Variants in LHX2 observed in about 807,000 individuals in gnomAD.
LHX2 encodes the protein LIM homeobox 2, also known as LIM/homeobox protein Lhx2.
In LHX2, 6 loss-of-function variants were observed where a neutral mutation model predicts 33.0. The observed-to-expected ratio is 0.18, with a 90% confidence interval of 0.10 to 0.36. The LOEUF is 0.36. Ranked by LOEUF, LHX2 falls within the 10% of genes least tolerant of loss-of-function variation. The pLI, the probability that LHX2 is intolerant of heterozygous loss-of-function variation, is 1.00. For missense variants in LHX2, 442 were observed against 586.2 expected (o/e 0.75, Z 2.54); for synonymous variants, 292 against 253.1 (o/e 1.15, Z -1.46).
rs1287809626 is a variant in LHX2, at chr9:124,016,277, T to C, written c.727+752T>C. ...GGGGGCTTGGTTCGGATTTCCGGCA[T>C]CTTTGAACCCCAGGCCATTCCCGGA... On this transcript the variant is annotated intron_variant, in intron 3 of 4. Coordinates refer to ENST00000373615, the MANE Select transcript of LHX2 (RefSeq NM_004789.4). This position sits in a 1 kb window ranked among gnomAD's most constrained non-coding sequence, Gnocchi z 4.4. Among the ~76,000 whole-genome samples the C allele has an allele frequency of 3.9e-5, 6 of 152,074 alleles. No homozygotes were observed. Among genetic ancestry groups the C allele is most frequent in the African/African-American group, 1.4e-4 (6 of 41,422 alleles).
intron 4 of LHX2, among the ~76,000 whole-genome samples, chr9:124,028,279 C>G (rs748520138): frequency 6.6e-6 from 1 of 152,132 alleles, no homozygotes; most frequent in Non-Finnish European, 1.5e-5. Context: ...GGAGATCTAC[C>G]GCGCACCAGG....
In LHX2 at chr9:124,021,249, C is replaced by T; in HGVS notation, c.878C>T (p.Ala293Val). ...SYFAINHNPD[A>V]KDLKQLAQKT... is the part of the protein sequence containing the mutation. Reference sequence around the variant, plus strand: ...TTTGCCATTAACCACAACCCCGACGCCAAGGACTTGAAGCAGCTCGCGCAA... The same window carrying T: ...TTTGCCATTAACCACAACCCCGACGTCAAGGACTTGAAGCAGCTCGCGCAA... The change falls in exon 4 of 5, where the codon GCC becomes GTC. Residue 293 changes from alanine to valine, a missense_variant. Physicochemically the swap from Ala to Val is moderately conservative, Grantham distance 64. Around this residue, in one of 5 missense-constraint regions of LHX2, gnomAD observed 32 missense variants for 95.3 expected, o/e 0.34. Coordinates refer to ENST00000373615, the MANE Select transcript of LHX2 (RefSeq NM_004789.4). 1 of 1,614,172 alleles carries T rather than the reference C, an allele frequency of 6.2e-7. No individual in the cohort carries two copies. Among genetic ancestry groups the T allele is most frequent in the Non-Finnish European group, 8.5e-7 (1 of 1,180,050 alleles).
chr9:124,014,240 T>G lies in LHX2; in HGVS notation c.323+77T>G. The stretch of plus-strand genomic sequence containing the variant: ...ACAGTCTTACAGTTTGGCCCTCTCC[T>G]TTCCGTTTAGTCCCAGGAGAGGGTT... On this transcript the variant is annotated intron_variant, in intron 2 of 4. Coordinates refer to ENST00000373615, the MANE Select transcript of LHX2 (RefSeq NM_004789.4). The surrounding 1 kb of genome is among the most constrained non-coding windows in gnomAD (Gnocchi z 4.8). 1 of 958,370 alleles carries G rather than the reference T, an allele frequency of 1.0e-6. No homozygotes were observed. The highest frequency in any genetic ancestry group is 1.6e-6 in the Non-Finnish European group (1 of 624,232). The allele number at this position is 958,370 out of a possible 1,614,324, so 59.4% of individuals were successfully genotyped here. A position where few individuals can be genotyped will look rare whatever the true frequency, so the allele number is the denominator to read the frequency against.
intron 4 of LHX2, among the ~76,000 whole-genome samples, chr9:124,029,248 C>G (rs973071670): frequency 1.3e-5 from 2 of 152,154 alleles, no homozygotes; most frequent in African/African-American, 4.8e-5. Flanking sequence ...TGGAGCCTGG[C>G]ACATAGTAAA....
rs111292833 is a variant in LHX2 at position 124,012,813 on chromosome 9, C to G, written c.120+345C>G. Among the ~76,000 whole-genome samples, 1 of 152,318 alleles carries G rather than the reference C, an allele frequency of 6.6e-6. No individual in the cohort carries two copies. The highest frequency in any genetic ancestry group is 1.9e-4 in the East Asian group (1 of 5,174). ...CGCGCTCTCCTCCACCTCTCGGCTCCGGTTGCTGGCGGCGCCGCGAGCGGC... is the reference window on the plus strand; with the variant it reads ...CGCGCTCTCCTCCACCTCTCGGCTCGGGTTGCTGGCGGCGCCGCGAGCGGC... On this transcript the variant is annotated intron_variant, in intron 1 of 4. Transcript: ENST00000373615. The surrounding 1 kb of genome is among the most constrained non-coding windows in gnomAD (Gnocchi z 4.3).
At chr9:124,030,789 A>T (rs1206292145) in intron 4 of LHX2, among the ~76,000 whole-genome samples, 1 of 151,230 alleles carries the variant, frequency 6.6e-6, no homozygotes, top group East Asian at 1.9e-4. Flanking sequence ...GCACCATCAC[A>T]CCCAGCTAAT....
Position 124,028,318 on chromosome 9 carries a change from T to C in LHX2, c.934-4102T>C, listed in dbSNP as rs77348716. 4.4e-3 allele frequency among the ~76,000 whole-genome samples: 672 copies of C among 152,308 alleles called. 3 individuals are homozygous for C. The highest frequency in any genetic ancestry group is 0.016 in the African/African-American group (649 of 41,558). On this transcript the variant is annotated intron_variant, in intron 4 of 4. Coordinates refer to ENST00000373615, the MANE Select transcript of LHX2 (RefSeq NM_004789.4). ...GGGCACCCCGGCCTGGTGTTAGTTG[T>C]GTCCTGATGATTCTCTGTCTGAACT...
chr9:124,022,690 T>C (rs1365275016), intron 4 of LHX2, among the ~76,000 whole-genome samples: 1 of 152,172 alleles, frequency 6.6e-6, no homozygotes, highest in African/African-American at 2.4e-5. Context: ...CTGAGAAAGT[T>C]CTTGTGAGTT....
At chr9:124,018,815 C>T (rs2118759169) in intron 3 of LHX2, among the ~76,000 whole-genome samples, 1 of 152,314 alleles carries the variant, frequency 6.6e-6, no homozygotes, top group Middle Eastern at 3.4e-3. Context: ...TCTCTCCCTC[C>T]ATTCTGCCTT....
intron 4 of LHX2, chr9:124,031,502 A>G (rs1203099481): frequency 2.0e-5 from 3 of 152,224 alleles, no homozygotes; most frequent in African/African-American, 7.2e-5. Context: ...AAAAGGATCA[A>G]GATTTGTCTG....
At chr9:124,030,627 C>CTTT (rs35399092) in intron 4 of LHX2, among the ~76,000 whole-genome samples, 36 of 105,568 alleles carry the variant, frequency 3.4e-4, no homozygotes, top group African/African-American at 8.3e-4. Flanking sequence ...TTTTTCTTTT[C>CTTT]TTTTTTTTTT....
chr9:124,017,166 A>G (rs1859205828), intron 3 of LHX2, among the ~76,000 whole-genome samples: 1 of 152,152 alleles, frequency 6.6e-6, no homozygotes, highest in African/African-American at 2.4e-5. Context: ...CCCTCCATTC[A>G]GCCATCTCAC....
chr9:124,024,093 G>A (rs1008864722), intron 4 of LHX2, among the ~76,000 whole-genome samples: 1 of 152,250 alleles, frequency 6.6e-6, no homozygotes, highest in East Asian at 1.9e-4. Context: ...GAGCCAATCT[G>A]GCAATGACTG....
rs766869407 is a variant in LHX2 at position 124,021,184 on chromosome 9, G to A, written c.813G>A (p.Thr271=). The A allele has an allele frequency of 6.8e-6, 11 of 1,614,218 alleles. No homozygotes were observed. In the South Asian group the frequency reaches 9.9e-5, roughly 14 times the overall value. Residue 271 remains threonine (T), a synonymous_variant, in exon 4 of 5, where the codon ACG becomes ACA. Coordinates refer to ENST00000373615, the MANE Select transcript of LHX2 (RefSeq NM_004789.4). ...GCCAGAAGACCAAGCGCATGCGCAC[G>A]TCCTTCAAGCACCACCAGCTTCGGA... ...PSSQKTKRMR[T]SFKHHQLRTM...
chr9:124,032,397 C>A lies in LHX2; in HGVS notation c.934-23C>A. On this transcript the variant is annotated intron_variant, in intron 4 of 4. Transcript: ENST00000373615. This position sits in a 1 kb window ranked among gnomAD's most constrained non-coding sequence, Gnocchi z 4.1. ...GCTCTGCCTGCCTTCCGCTCACCAGCCCTTCCCTGTCGTCCCCCGCAGGTC... is the reference window on the plus strand; with the variant it reads ...GCTCTGCCTGCCTTCCGCTCACCAGACCTTCCCTGTCGTCCCCCGCAGGTC... 2 of 1,560,244 alleles carry A rather than the reference C, an allele frequency of 1.3e-6. No individual in the cohort carries two copies. Among genetic ancestry groups the A allele is most frequent in the Non-Finnish European group, 1.7e-6 (2 of 1,153,250 alleles).
chr9:124,021,328 G>A, intron 4 of LHX2, 24 bp downstream of exon 4: 1 of 1,606,852 alleles, frequency 6.2e-7, no homozygotes, highest in Non-Finnish European at 8.5e-7. Context: ...AGGGGTGAGG[G>A]CATCTGCGAC....
At position 124,015,456 on chromosome 9, in the gene LHX2, G is replaced by C; in HGVS notation, c.658G>C (p.Val220Leu). Residue 220 changes from valine to leucine, a missense_variant, in exon 3 of 5, where the codon GTG (valine) becomes CTG (leucine). Val to Leu is a conservative substitution (Grantham distance 32). Coordinates refer to ENST00000373615, the MANE Select transcript of LHX2 (RefSeq NM_004789.4). This position sits in a 1 kb window ranked among gnomAD's most constrained non-coding sequence, Gnocchi z 7.9. ...GLPYYNGVGT[V>L]QKGRPRKRKS... ...TCCCTACTACAATGGCGTGGGCACT[G>C]TGCAGAAGGGGCGGCCGAGGAAACG... 2.0e-6 allele frequency: 3 copies of C among 1,532,358 alleles called. No homozygotes were observed. The highest frequency in any genetic ancestry group is 2.6e-6 in the Non-Finnish European group (3 of 1,141,490). 94.9% of individuals were successfully genotyped at this position (1,532,358 alleles called of 1,614,324 possible).
intron 4 of LHX2, among the ~76,000 whole-genome samples, chr9:124,030,622 CTTTTCTT>C (rs1205415917): frequency 3.6e-4 from 34 of 94,684 alleles, no homozygotes; most frequent in African/African-American, 1.1e-3. Context: ...TTTCATTTTT[CTTTTCTT>C]TTTTTTTTTT....
In LHX2 at chr9:124,015,033, C is replaced by T; in HGVS notation, c.324-89C>T. On this transcript the variant is annotated intron_variant, in intron 2 of 4. Coordinates refer to ENST00000373615, the MANE Select transcript of LHX2 (RefSeq NM_004789.4). The surrounding 1 kb of genome is among the most constrained non-coding windows in gnomAD (Gnocchi z 7.9). The stretch of plus-strand genomic sequence containing the variant: ...GTTGTTCGTCTTGAGGAGGGGATTG[C>T]CCCCCGCAGCAGCAGCGGCACCTGG... 1 of 1,480,610 alleles carries T rather than the reference C, an allele frequency of 6.8e-7. No individual in the cohort carries two copies. The allele number at this position is 1,480,610 out of a possible 1,614,324, so 91.7% of individuals were successfully genotyped here. A position where few individuals can be genotyped will look rare whatever the true frequency, so the allele number is the denominator to read the frequency against.
Sources: gnomAD v4.1 joint callset for allele counts (sites outside exome capture counted in the v4.1 genomes callset) on GRCh38, gnomAD v4.1.1 for gene constraint, gnomAD v4.1.1 regional missense constraint, Gnocchi (gnomAD v3.1) non-coding constraint, MANE v1.5 for transcripts, NCBI Gene and HGNC (gene_info 2026-07-23, HGNC 2026-07-21) for gene names.